PKHD1: variants seen among roughly 807,000 people sequenced by gnomAD.
PKHD1 encodes fibrocystin.
PKHD1 carries 291 observed loss-of-function variants against 412.0 expected under a neutral mutation model. The ratio of observed to expected loss-of-function variants is 0.71; its 90% confidence interval spans 0.64 to 0.78. PKHD1 has a LOEUF of 0.78. Among genes scored for constraint, PKHD1 ranks in the 30% least tolerant of loss-of-function variants. The pLI, the probability that PKHD1 is intolerant of heterozygous loss-of-function variation, is 0.00. For synonymous variants in PKHD1, 1,777 were observed against 1,821.5 expected, an observed-to-expected ratio of 0.98 and a Z score of 0.62; for missense variants, 4,825 against 4,950.7, an observed-to-expected ratio of 0.97 and a Z score of 0.76.
At chr6:51,702,272 C>T (rs1779541884) in intron 60 of PKHD1, among the ~76,000 whole-genome samples, 2 of 143,434 alleles carry the variant, frequency 1.4e-5, no homozygotes, top group South Asian at 2.3e-4. Context: ...AAATTAGTGG[C>T]ATTTGCAGTA....
At chr6:51,678,729 A>C (rs373659313) in intron 60 of PKHD1, among the ~76,000 whole-genome samples, 3 of 152,220 alleles carry the variant, frequency 2.0e-5, no homozygotes, top group African/African-American at 7.2e-5. Flanking sequence ...CTGTTCATCT[A>C]TTCTTAACTT....
intron 37 of PKHD1, among the ~76,000 whole-genome samples, chr6:51,920,268 A>G (rs768570445): frequency 4.6e-5 from 7 of 152,326 alleles, no homozygotes; most frequent in Non-Finnish European, 8.8e-5. Flanking sequence ...TGGGTTTGTC[A>G]TAGATAGCTC....
At chr6:51,743,133 G>C (rs1784772259) in intron 60 of PKHD1, among the ~76,000 whole-genome samples, 2 of 152,082 alleles carry the variant, frequency 1.3e-5, no homozygotes, top group South Asian at 4.1e-4. Flanking sequence ...TGAATGGGTG[G>C]AAAGCTGAAA....
intron 36 of PKHD1, among the ~76,000 whole-genome samples, chr6:51,958,739 TG>T (rs1386746185): frequency 6.6e-6 from 1 of 152,074 alleles, no homozygotes; most frequent in African/African-American, 2.4e-5. Context: ...GCTTTAGGTC[TG>T]TAATTTTCCT....
In PKHD1 at chr6:52,070,987, T is replaced by C. The variant is rs943233082; in HGVS notation, c.667+19A>G. On this transcript the variant is annotated intron_variant, in intron 9 of 66. Coordinates refer to ENST00000371117, the MANE Select transcript of PKHD1 (RefSeq NM_138694.4). Reference sequence around the variant, plus strand: ...AGAAATGGATAAGACTTTAAAATTATGTTACTTCTCTAACAGACCGATGTA... The same window carrying C: ...AGAAATGGATAAGACTTTAAAATTACGTTACTTCTCTAACAGACCGATGTA... The C allele has an allele frequency of 2.7e-6, 4 of 1,498,164 alleles. No individual in the cohort carries two copies. The highest frequency in any genetic ancestry group is 3.7e-6 in the Non-Finnish European group (4 of 1,074,284). The allele number at this position is 1,498,164 out of a possible 1,614,324, so 92.8% of individuals were successfully genotyped here. A position where few individuals can be genotyped will look rare whatever the true frequency, so the allele number is the denominator to read the frequency against.
intron 60 of PKHD1, among the ~76,000 whole-genome samples, chr6:51,662,594 T>C (rs1773042637): frequency 6.6e-6 from 1 of 151,448 alleles, no homozygotes; most frequent in Admixed American, 6.6e-5. Flanking sequence ...ATTGCAGAAA[T>C]CAATGAAGTA....
intron 60 of PKHD1, among the ~76,000 whole-genome samples, chr6:51,688,938 C>G (rs543952419): frequency 6.6e-6 from 1 of 152,126 alleles, no homozygotes; most frequent in Non-Finnish European, 1.5e-5. Context: ...AAGCTAGCAA[C>G]ATTTCTACTG....
chr6:52,085,355 C>T (rs563094100), intron 1 of PKHD1, among the ~76,000 whole-genome samples: 2 of 152,236 alleles, frequency 1.3e-5, no homozygotes, highest in South Asian at 4.2e-4. Flanking sequence ...TTTGCTTTGC[C>T]CTGTGCTGGC....
chr6:52,020,804 TG>T (rs1220449275), intron 33 of PKHD1, among the ~76,000 whole-genome samples: 1 of 152,178 alleles, frequency 6.6e-6, no homozygotes, highest in Non-Finnish European at 1.5e-5. Context: ...TTAGCTAACT[TG>T]GTTGTACTCA....
chr6:52,044,512 G>C (rs993362908), intron 25 of PKHD1, among the ~76,000 whole-genome samples: 3 of 151,920 alleles, frequency 2.0e-5, no homozygotes, highest in Non-Finnish European at 4.4e-5. Flanking sequence ...TTTCAGTTTG[G>C]GTCCCCAGGT....
chr6:51,716,247 A>G (rs1452961898), intron 60 of PKHD1, among the ~76,000 whole-genome samples: 1 of 152,198 alleles, frequency 6.6e-6, no homozygotes, highest in African/African-American at 2.4e-5. Context: ...TAAAAGAGAG[A>G]TGTGAAATTA....
intron 36 of PKHD1, among the ~76,000 whole-genome samples, chr6:51,953,893 G>T (rs1790738256): frequency 6.6e-6 from 1 of 152,008 alleles, no homozygotes; most frequent in South Asian, 2.1e-4. Flanking sequence ...CAAGGAGAAT[G>T]CCGGCAAGCA....
At chr6:51,734,480 C>T (rs894730439) in intron 60 of PKHD1, among the ~76,000 whole-genome samples, 40 of 152,110 alleles carry the variant, frequency 2.6e-4, no homozygotes, top group African/African-American at 8.4e-4. Flanking sequence ...ATATTATGTT[C>T]CATAAATTGT....
chr6:52,043,596 C>T, intron 26 of PKHD1, 29 bp downstream of exon 26: 3 of 1,486,710 alleles, frequency 2.0e-6, no homozygotes, highest in Non-Finnish European at 2.8e-6. Flanking sequence ...CGGCTTAAGC[C>T]CATCTCAGAG....
chr6:51,676,227 G>GA (rs774818992), intron 60 of PKHD1, among the ~76,000 whole-genome samples: 2,045 of 58,114 alleles, frequency 0.035, 21 homozygotes, highest in African/African-American at 0.071. Context: ...GTCTTTGCTA[G>GA]AAAAAAAAAA....
intron 48 of PKHD1, among the ~76,000 whole-genome samples, chr6:51,862,775 A>AG (rs1040967342): frequency 6.6e-6 from 1 of 152,212 alleles, no homozygotes; most frequent in African/African-American, 2.4e-5. Context: ...AAGAAACAGA[A>AG]GGTACTGGGG....
intron 35 of PKHD1, among the ~76,000 whole-genome samples, chr6:51,998,016 GTTAAAAATGGTGT>G (rs1412464668): frequency 6.6e-6 from 1 of 152,222 alleles, no homozygotes. Flanking sequence ...AGAGCCACTT[GTTAAAAATGGTGT>G]CATCAGTTAA....
chr6:51,984,667 C>T (rs151166139), intron 35 of PKHD1, among the ~76,000 whole-genome samples: 9 of 152,328 alleles, frequency 5.9e-5, no homozygotes, highest in Admixed American at 2.6e-4. Flanking sequence ...GCCAGTGTTA[C>T]ACTGGAGAAT....
At chr6:51,759,672 G>A (rs1448878090) in intron 55 of PKHD1, among the ~76,000 whole-genome samples, 2 of 152,118 alleles carry the variant, frequency 1.3e-5, no homozygotes, top group Non-Finnish European at 2.9e-5. Context: ...AGCCCCGATT[G>A]CCACAATAGC....
Sources: gnomAD v4.1 joint callset for allele counts (sites outside exome capture counted in the v4.1 genomes callset) on GRCh38, gnomAD v4.1.1 for gene constraint, MANE v1.5 for transcripts, NCBI Gene and HGNC (gene_info 2026-07-23, HGNC 2026-07-21) for gene names.